The following LRMDA variants were observed in gnomAD, a reference collection of about 807,000 sequenced individuals.
The protein encoded by LRMDA is leucine-rich melanocyte differentiation-associated protein.
Under a neutral mutation model 29.8 loss-of-function variants are expected in LRMDA, and 18 were observed. The observed-to-expected ratio is 0.60, with a 90% CI of 0.42 to 0.90. The LOEUF (loss-of-function observed/expected upper bound fraction) is 0.90. Ranked by LOEUF, LRMDA falls within the 40% of genes least tolerant of loss-of-function variation. LRMDA has a pLI of 0.00. For missense variants in LRMDA, 273 were observed against 273.9 expected (o/e 1.00, Z 0.02); for synonymous variants, 125 against 109.4 (o/e 1.14, Z -0.89).
At chr10:76,293,495 G>T (rs891616930) in intron 5 of LRMDA, among the ~76,000 whole-genome samples, 2 of 152,132 alleles carry the variant, frequency 1.3e-5, no homozygotes, top group East Asian at 1.9e-4. Flanking sequence ...TCAGATTTTT[G>T]CTTCTAAGTA....
chr10:75,565,282 A>T (rs982592098), intron 2 of LRMDA, among the ~76,000 whole-genome samples: 1 of 152,140 alleles, frequency 6.6e-6, no homozygotes, highest in African/African-American at 2.4e-5. Flanking sequence ...TTAAGAATAG[A>T]GTTTCCATTT....
At chr10:76,347,151 T>C (rs1227557912) in intron 6 of LRMDA, among the ~76,000 whole-genome samples, 1 of 152,228 alleles carries the variant, frequency 6.6e-6, no homozygotes, top group East Asian at 1.9e-4. Context: ...ATATCCCCTT[T>C]ATTAATTGAT....
chr10:75,857,822 G>A (rs1295101620), intron 2 of LRMDA, among the ~76,000 whole-genome samples: 3 of 152,160 alleles, frequency 2.0e-5, no homozygotes, highest in Admixed American at 6.5e-5. Flanking sequence ...CACATAAGAT[G>A]CACAGGTCTT....
At chr10:76,417,732 A>C (rs1348370022) in intron 6 of LRMDA, among the ~76,000 whole-genome samples, 1 of 152,118 alleles carries the variant, frequency 6.6e-6, no homozygotes, top group African/African-American at 2.4e-5. Flanking sequence ...TATGGTTAGT[A>C]TTTTTGAAGT....
At chr10:75,706,256 C>A (rs1358046718) in intron 2 of LRMDA, among the ~76,000 whole-genome samples, 2 of 151,146 alleles carry the variant, frequency 1.3e-5, no homozygotes, top group African/African-American at 4.9e-5. Context: ...TTTTTTTTGC[C>A]ATTTTAGCAG....
chr10:76,513,595 C>T (rs919389599), intron 6 of LRMDA, among the ~76,000 whole-genome samples: 1 of 152,122 alleles, frequency 6.6e-6, no homozygotes, highest in African/African-American at 2.4e-5. Flanking sequence ...TTTGAATTAG[C>T]CCTTTAACAT....
chr10:76,271,139 G>A (rs989297066), intron 5 of LRMDA, among the ~76,000 whole-genome samples: 12 of 152,168 alleles, frequency 7.9e-5, no homozygotes, highest in African/African-American at 1.9e-4. Context: ...TTGGCTAGGC[G>A]GCTCACGCCT....
At chr10:76,304,005 CT>C (rs1840517365) in intron 5 of LRMDA, among the ~76,000 whole-genome samples, 1 of 152,144 alleles carries the variant, frequency 6.6e-6, no homozygotes, top group African/African-American at 2.4e-5. Flanking sequence ...CCTGAAGGCC[CT>C]TTCACGGCTT....
chr10:76,240,375 C>A (rs546147215), intron 5 of LRMDA, among the ~76,000 whole-genome samples: 1 of 147,180 alleles, frequency 6.8e-6, no homozygotes, highest in Non-Finnish European at 1.5e-5. Context: ...ACCTTACTCC[C>A]GCAAGAAGGG....
intron 4 of LRMDA, among the ~76,000 whole-genome samples, chr10:76,049,016 G>T (rs1246321454): frequency 2.6e-5 from 4 of 152,100 alleles, no homozygotes; most frequent in African/African-American, 9.7e-5. Flanking sequence ...CATCTCAGAT[G>T]CCCACTGCCC....
chr10:75,987,227 G>A (rs1006118375), intron 2 of LRMDA, among the ~76,000 whole-genome samples: 1 of 152,122 alleles, frequency 6.6e-6, no homozygotes, highest in African/African-American at 2.4e-5. Context: ...GATGATCCTG[G>A]TCTTTATGAT....
At chr10:76,279,539 C>CTTTTT (rs759651873) in intron 5 of LRMDA, among the ~76,000 whole-genome samples, 57 of 93,802 alleles carry the variant, frequency 6.1e-4, no homozygotes, top group African/African-American at 1.6e-3. Context: ...ACAAATGCTT[C>CTTTTT]TTTTTTTTTT....
At chr10:76,025,706 C>G (rs1019120516) in intron 2 of LRMDA, among the ~76,000 whole-genome samples, 15 of 152,144 alleles carry the variant, frequency 9.9e-5, no homozygotes, top group African/African-American at 3.6e-4. Context: ...TGTTCCCTCA[C>G]CACCAAATGT....
intron 2 of LRMDA, among the ~76,000 whole-genome samples, chr10:75,471,225 G>C (rs1004347102): frequency 6.6e-6 from 1 of 151,856 alleles, no homozygotes; most frequent in Non-Finnish European, 1.5e-5. Context: ...GGGGGGTGGG[G>C]TGTGAGTGGG....
At chr10:75,755,476 C>T (rs2132223247) in intron 2 of LRMDA, among the ~76,000 whole-genome samples, 1 of 152,320 alleles carries the variant, frequency 6.6e-6, no homozygotes, top group Non-Finnish European at 1.5e-5. Context: ...CGGCAACATG[C>T]ATTCTAATGA....
intron 5 of LRMDA, among the ~76,000 whole-genome samples, chr10:76,322,022 A>T (rs1187855948): frequency 6.6e-6 from 1 of 152,158 alleles, no homozygotes; most frequent in Non-Finnish European, 1.5e-5. Flanking sequence ...TATTTACTCA[A>T]ATTTGCTTAT....
At position 75,727,300 on chromosome 10, in the gene LRMDA, C is replaced by T. The variant is rs576071534; in HGVS notation, c.131+288806C>T. 7.2e-5 allele frequency among the ~76,000 whole-genome samples: 11 copies of T among 152,178 alleles called. No homozygotes were observed. In the South Asian group the frequency reaches 8.3e-4, roughly 11 times the overall value. The stretch of plus-strand genomic sequence containing the variant: ...CAGCATGACAAATCTGTCCTCTGAG[C>T]GTGTGTATGTGTGTTTGGGTAGCTG... On this transcript the variant is annotated intron_variant, in intron 2 of 6. Coordinates refer to ENST00000611255, the MANE Select transcript of LRMDA (RefSeq NM_001305581.2).
intron 2 of LRMDA, among the ~76,000 whole-genome samples, chr10:75,539,955 T>C (rs1839996438): frequency 6.6e-6 from 1 of 152,190 alleles, no homozygotes; most frequent in East Asian, 1.9e-4. Context: ...CACCCAGGGG[T>C]TAAAGGTTAT....
At chr10:75,831,194 T>C (rs1008921485) in intron 2 of LRMDA, among the ~76,000 whole-genome samples, 1 of 152,108 alleles carries the variant, frequency 6.6e-6, no homozygotes, top group Admixed American at 6.5e-5. Flanking sequence ...TACAGGCACC[T>C]GCCATCACGC....
Sources: gnomAD v4.1 joint callset for allele counts (sites outside exome capture counted in the v4.1 genomes callset) on GRCh38, gnomAD v4.1.1 for gene constraint, MANE v1.5 for transcripts, NCBI Gene and HGNC (gene_info 2026-07-23, HGNC 2026-07-21) for gene names.